Variants in CFTR observed in about 807,000 individuals in gnomAD.
The protein encoded by CFTR is CF transmembrane conductance regulator.
CFTR carries 181 observed loss-of-function variants against 171.6 expected under a neutral mutation model. The ratio of observed to expected loss-of-function variants is 1.05; its 90% CI spans 0.93 to 1.19. The LOEUF (loss-of-function observed/expected upper bound fraction) is 1.19, where lower values mean the gene tolerates loss of function less well. Ranked by LOEUF, CFTR falls within the 50% of genes most tolerant of loss-of-function variation. The pLI is 0.00. For missense variants in CFTR, 1,968 were observed against 1,734.7 expected (o/e 1.13, Z -2.39); for synonymous variants, 583 against 608.0 (o/e 0.96, Z 0.60).
intron 23 of CFTR, among the ~76,000 whole-genome samples, chr7:117,649,484 A>AGT (rs1183280735): frequency 1.7e-4 from 20 of 119,088 alleles, no homozygotes; most frequent in East Asian, 9.5e-4. Flanking sequence ...ATATATATAT[A>AGT]GTGTGTGTGT....
At chr7:117,612,564 A>G (rs1257627676) in intron 20 of CFTR, among the ~76,000 whole-genome samples, 1 of 152,092 alleles carries the variant, frequency 6.6e-6, no homozygotes, top group Non-Finnish European at 1.5e-5. Flanking sequence ...AAGTGTTGAA[A>G]TAACTTCTTA....
Position 117,593,452 on chromosome 7 carries a change from G to A in CFTR, c.2490+795G>A, listed in dbSNP as rs1436259316. 3.3e-5 allele frequency among the ~76,000 whole-genome samples: 5 copies of A among 152,242 alleles called. No homozygotes were observed. The East Asian group carries it at 9.6e-4, about 29-fold the overall frequency. ...TAATATGACCTTTGACAAGACACAA[G>A]CCATTAACATCTGTAGGCAGAAGTT... On this transcript the variant is annotated intron_variant, in intron 14 of 26. Transcript: ENST00000003084.
chr7:117,557,494 G>A (rs1044502327), intron 10 of CFTR, among the ~76,000 whole-genome samples: 1 of 151,824 alleles, frequency 6.6e-6, no homozygotes, highest in Admixed American at 6.6e-5. Context: ...TTGAATTAAA[G>A]GCTTCTACTA....
intron 11 of CFTR, among the ~76,000 whole-genome samples, chr7:117,573,715 G>A (rs6945467): frequency 0.016 from 2,380 of 152,176 alleles, 59 homozygotes; most frequent in African/African-American, 0.055. Flanking sequence ...GGCAGTGGAG[G>A]ATGGTTTGAA....
rs1399483116 is a variant in CFTR, at chr7:117,548,626, GTGTTTT to G, written c.1210-13_1210-8del. 3 of 1,480,744 alleles carry G rather than the reference GTGTTTT, an allele frequency of 2.0e-6. No individual in the cohort carries two copies. Among genetic ancestry groups the G allele is most frequent in the African/African-American group, 2.9e-5 (2 of 68,242 alleles). 91.7% of individuals were successfully genotyped at this position (1,480,744 alleles called of 1,614,324 possible). A position where few individuals can be genotyped will look rare whatever the true frequency, so the allele number is the denominator to read the frequency against. ...TTTTGATGTGTGTGTGTGTGTGTGT[GTGTTTT>G]TTTAACAGGGATTTGGGGAATTATT... On this transcript the variant is annotated splice_polypyrimidine_tract_variant and intron_variant, in intron 9 of 26. Transcript: ENST00000003084.
intron 5 of CFTR, 35 bp from the exon 6 acceptor site, chr7:117,535,213 A>T: frequency 2.5e-6 from 4 of 1,612,190 alleles, no homozygotes; most frequent in Non-Finnish European, 3.4e-6. Flanking sequence ...GGAAGATACA[A>T]TGACACCTGT....
chr7:117,546,243 C>T (rs531645598), intron 9 of CFTR, among the ~76,000 whole-genome samples: 13 of 152,084 alleles, frequency 8.5e-5, no homozygotes, highest in East Asian at 1.9e-4. Context: ...CCACTCGCCT[C>T]GGCCTCCCAA....
chr7:117,541,169 T>C (rs1799046007), intron 8 of CFTR, among the ~76,000 whole-genome samples: 1 of 152,104 alleles, frequency 6.6e-6, no homozygotes, highest in Admixed American at 6.6e-5. Flanking sequence ...GACAAAGTGG[T>C]GAATCTAGCT....
chr7:117,503,750 C>G (rs1798368944), intron 1 of CFTR, among the ~76,000 whole-genome samples: 1 of 152,206 alleles, frequency 6.6e-6, no homozygotes, highest in Non-Finnish European at 1.5e-5. Flanking sequence ...CACTAACTCT[C>G]TGGCTATAGT....
chr7:117,546,069 C>T (rs970721347), intron 9 of CFTR, among the ~76,000 whole-genome samples: 2 of 152,092 alleles, frequency 1.3e-5, no homozygotes, highest in Non-Finnish European at 1.5e-5. Context: ...TCTTGGCTCA[C>T]TGGAACCTCT....
At chr7:117,537,122 G>T (rs1051887541) in intron 7 of CFTR, among the ~76,000 whole-genome samples, 1 of 152,122 alleles carries the variant, frequency 6.6e-6, no homozygotes, top group African/African-American at 2.4e-5. Context: ...GAATATGTTT[G>T]CTCTTCCTTA....
Position 117,603,518 on chromosome 7 carries a change from T to A in CFTR, c.2658-14T>A. On this transcript the variant is annotated splice_polypyrimidine_tract_variant and intron_variant, in intron 16 of 26. Transcript: ENST00000003084. ...CTTTGGCTGCCAAATAACGATTTCCTATTTGCTTTACAGCACTCCTCTTCA... is the reference window on the plus strand; with the variant it reads ...CTTTGGCTGCCAAATAACGATTTCCAATTTGCTTTACAGCACTCCTCTTCA... 1 of 1,613,830 alleles carries A rather than the reference T, an allele frequency of 6.2e-7. No individual in the cohort carries two copies. Among genetic ancestry groups the A allele is most frequent in the Non-Finnish European group, 8.5e-7 (1 of 1,179,864 alleles).
At chr7:117,588,368 C>T (rs1791977120) in intron 12 of CFTR, among the ~76,000 whole-genome samples, 1 of 152,096 alleles carries the variant, frequency 6.6e-6, no homozygotes, top group Non-Finnish European at 1.5e-5. Flanking sequence ...TAGAAACACT[C>T]TTGGTCCAAG....
chr7:117,555,129 G>A (rs796203170), intron 10 of CFTR, among the ~76,000 whole-genome samples: 4 of 151,454 alleles, frequency 2.6e-5, no homozygotes, highest in East Asian at 1.9e-4. Flanking sequence ...TAGAAATACC[G>A]AGAAAATTAA....
At chr7:117,561,852 C>A (rs555291645) in intron 11 of CFTR, among the ~76,000 whole-genome samples, 79 of 152,180 alleles carry the variant, frequency 5.2e-4, no homozygotes, top group African/African-American at 1.8e-3. Context: ...TGAGGAGTAA[C>A]CTCCTTACAC....
At chr7:117,580,610 G>A (rs992242885) in intron 11 of CFTR, among the ~76,000 whole-genome samples, 1 of 152,030 alleles carries the variant, frequency 6.6e-6, no homozygotes, top group African/African-American at 2.4e-5. Flanking sequence ...ATGAGGAGGG[G>A]TGTGGATAGT....
chr7:117,520,179 T>C lies in CFTR; in HGVS notation c.274-10720T>C, dbSNP rs982776818. On this transcript the variant is annotated intron_variant, in intron 3 of 26. Coordinates refer to ENST00000003084, the MANE Select transcript of CFTR (RefSeq NM_000492.4). ...GCCTTTCATGTTCTTTGTGTGTTTT[T>C]ATTTTGTTGTATTTGTCTCTTTCTT... is the stretch of plus-strand genomic sequence containing the variant. Among the ~76,000 whole-genome samples, 6 of 151,696 alleles carry C rather than the reference T, an allele frequency of 4.0e-5. No individual in the cohort carries two copies. The South Asian group carries it at 1.2e-3, about 31-fold the overall frequency.
At chr7:117,621,469 C>T (rs1208388665) in intron 21 of CFTR, among the ~76,000 whole-genome samples, 5 of 152,086 alleles carry the variant, frequency 3.3e-5, no homozygotes, top group Non-Finnish European at 1.5e-5. Context: ...CTAGATGTGT[C>T]CTGTGGGCCA....
intron 2 of CFTR, among the ~76,000 whole-genome samples, chr7:117,505,006 A>G (rs969300719): frequency 1.3e-5 from 2 of 152,164 alleles, no homozygotes; most frequent in Admixed American, 1.3e-4. Context: ...TTTGAATACA[A>G]ATGTACTCCC....
Sources: allele counts gnomAD v4.1 joint callset (sites outside exome capture counted in the v4.1 genomes callset), GRCh38; gene constraint gnomAD v4.1.1; transcripts MANE v1.5; gene names NCBI Gene and HGNC (gene_info 2026-07-23, HGNC 2026-07-21).